The following ASMTL variants were observed in gnomAD, a reference collection of about 807,000 sequenced individuals.
The protein encoded by ASMTL is probable bifunctional dTTP/UTP pyrophosphatase/methyltransferase protein.
A neutral mutation model predicts 60.3 loss-of-function variants in ASMTL; 57 were observed. That is an observed-to-expected ratio of 0.95 (90% confidence interval 0.76 to 1.18). The LOEUF is 1.18. Ranked by LOEUF, ASMTL falls within the 50% of genes most tolerant of loss-of-function variation. The probability of loss-of-function intolerance (pLI) is 0.00; values close to 1 mark genes in which losing one functional copy is unlikely to be tolerated. For missense variants in ASMTL, 981 were observed against 852.6 expected (o/e 1.15, Z -1.88); for synonymous variants, 419 against 373.0 (o/e 1.12, Z -1.42).
At chrX:1,449,444 C>T (rs2091300350) in intron 1 of ASMTL, among the ~76,000 whole-genome samples, 1 of 151,832 alleles carries the variant, frequency 6.6e-6, no homozygotes, top group Non-Finnish European at 1.5e-5. Context: ...AGACCCATGC[C>T]TTCTGTGAGG....
intron 11 of ASMTL, among the ~76,000 whole-genome samples, chrX:1,415,113 G>A (rs1484631150): frequency 2.0e-5 from 3 of 149,022 alleles, no homozygotes; most frequent in South Asian, 2.1e-4. Context: ...GCTAATTTCT[G>A]TAATTTTAGT....
At chrX:1,427,693 C>T (rs780487459) in intron 7 of ASMTL, 41 bp downstream of exon 7, 14 of 1,561,920 alleles carry the variant, frequency 9.0e-6, no homozygotes, top group South Asian at 2.3e-5. Context: ...AGTGTGTAGG[C>T]TCATTTGTGA....
At chrX:1,415,979 A>G (rs1354470044) in intron 11 of ASMTL, among the ~76,000 whole-genome samples, 3 of 151,950 alleles carry the variant, frequency 2.0e-5, no homozygotes, top group Non-Finnish European at 4.4e-5. Context: ...TGACAGGTAC[A>G]CACATGGACA....
rs188058231 is a variant in ASMTL at position 1,434,036 on chromosome X, C to T, written c.400+986G>A. On this transcript the variant is annotated intron_variant, in intron 5 of 12. Coordinates refer to ENST00000381317, the MANE Select transcript of ASMTL (RefSeq NM_004192.4). ...TTGTGCGTGGAGGTCCCATGGGACC[C>T]GGCCCTTCACCTGTGGGATCTGCGC... is the stretch of plus-strand genomic sequence containing the variant. Among the ~76,000 whole-genome samples, 155 of 152,248 alleles carry T rather than the reference C, an allele frequency of 1.0e-3. 1 individual carries two copies. Among genetic ancestry groups the T allele is most frequent in the African/African-American group, 3.5e-3 (146 of 41,524 alleles).
intron 8 of ASMTL, among the ~76,000 whole-genome samples, chrX:1,423,949 C>T (rs1281915123): frequency 6.6e-6 from 1 of 150,706 alleles, no homozygotes; most frequent in Non-Finnish European, 1.5e-5. Context: ...TGCACCCATG[C>T]ATGCATCCAT....
At chrX:1,425,436 TCCTC>T in intron 8 of ASMTL, 85 bp downstream of exon 8, 1 of 1,467,348 alleles carries the variant, frequency 6.8e-7, no homozygotes, top group Admixed American at 2.1e-5. Context: ...TGGGCCTCCT[TCCTC>T]GCTCTGCCCA....
At chrX:1,452,451 C>G (rs1199944663) in intron 1 of ASMTL, among the ~76,000 whole-genome samples, 1 of 151,016 alleles carries the variant, frequency 6.6e-6, no homozygotes, top group African/African-American at 2.4e-5. Flanking sequence ...TCTACCCTCC[C>G]CATTCCTAGG....
chrX:1,439,607 G>T (rs1200408505), intron 2 of ASMTL, among the ~76,000 whole-genome samples: 1 of 152,144 alleles, frequency 6.6e-6, no homozygotes, highest in African/African-American at 2.4e-5. Context: ...AGCACTCTGG[G>T]AGGCCGAGGC....
chrX:1,404,838 G>A (rs2089748384), intron 12 of ASMTL, among the ~76,000 whole-genome samples: 1 of 150,850 alleles, frequency 6.6e-6, no homozygotes, highest in Non-Finnish European at 1.5e-5. Flanking sequence ...GGTAGCTGAT[G>A]GATAGGTAGG....
chrX:1,415,626 C>T (rs62605747), intron 11 of ASMTL, among the ~76,000 whole-genome samples: 144,773 of 151,030 alleles, frequency 0.96, 69,568 homozygotes, highest in East Asian at 1. Context: ...CCACCACGCC[C>T]GGCTAATTTT....
At chrX:1,411,884 C>T (rs1389132745) in intron 12 of ASMTL, among the ~76,000 whole-genome samples, 4 of 134,012 alleles carry the variant, frequency 3.0e-5, no homozygotes, top group African/African-American at 1.1e-4. Flanking sequence ...GCAGTCTCGG[C>T]TCACTGCAAC....
chrX:1,442,963 C>T lies in ASMTL; in HGVS notation c.94-646G>A, dbSNP rs773678886. Reference sequence around the variant, plus strand: ...GGGAACTCCGCATCTCCCCTCTGACCATCTCCCCTCTGACAGAGCAAAAGC... The same window carrying T: ...GGGAACTCCGCATCTCCCCTCTGACTATCTCCCCTCTGACAGAGCAAAAGC... On this transcript the variant is annotated intron_variant, in intron 1 of 12. Transcript: ENST00000381317. Among the ~76,000 whole-genome samples, 4 of 146,796 alleles carry T rather than the reference C, an allele frequency of 2.7e-5. No homozygotes were observed. The South Asian group carries it at 8.3e-4, about 30-fold the overall frequency.
chrX:1,452,704 C>A (rs756843718), intron 1 of ASMTL, 44 bp downstream of exon 1: 1 of 1,512,102 alleles, frequency 6.6e-7, no homozygotes, highest in South Asian at 1.2e-5. Context: ...GGGGTTCAGC[C>A]CCTCCGTCCC....
At chrX:1,420,350 TCTC>T (rs1264009247) in intron 9 of ASMTL, among the ~76,000 whole-genome samples, 5 of 151,778 alleles carry the variant, frequency 3.3e-5, no homozygotes, top group African/African-American at 1.2e-4. Flanking sequence ...TCTGTCTCTG[TCTC>T]CCTCTATCTT....
intron 6 of ASMTL, among the ~76,000 whole-genome samples, chrX:1,431,606 T>A (rs1344923846): frequency 6.9e-6 from 1 of 144,716 alleles, no homozygotes; most frequent in Non-Finnish European, 1.5e-5. Flanking sequence ...TATAATCTAT[T>A]ATAGTATATA....
intron 1 of ASMTL, among the ~76,000 whole-genome samples, chrX:1,443,394 ATCTTGGACACACG>A (rs1473968237): frequency 1.9e-5 from 2 of 103,972 alleles, no homozygotes; most frequent in African/African-American, 3.4e-5. Flanking sequence ...ACACGCCGCC[ATCTTGGACACACG>A]CCGCCATCTT....
rs184407969 is a variant in ASMTL at position 1,404,416 on chromosome X, G to A, written c.1646-927C>T. ...AGGTAGGTGGATGGATGGATGGATG[G>A]ATGCAGGCATGGATGAGATGGATGG... On this transcript the variant is annotated intron_variant, in intron 12 of 12. Transcript: ENST00000381317. Among the ~76,000 whole-genome samples, 87 of 151,688 alleles carry A rather than the reference G, an allele frequency of 5.7e-4. No individual in the cohort carries two copies. The East Asian group carries it at 0.016, about 29-fold the overall frequency.
chrX:1,413,444 C>G (rs5989684), intron 11 of ASMTL, among the ~76,000 whole-genome samples: 1 of 152,318 alleles, frequency 6.6e-6, no homozygotes, highest in East Asian at 1.9e-4. Context: ...GAGTCGGGGC[C>G]GCACTGCCGG....
intron 1 of ASMTL, among the ~76,000 whole-genome samples, chrX:1,451,624 C>T (rs2091387146): frequency 6.7e-6 from 1 of 149,354 alleles, no homozygotes; most frequent in Non-Finnish European, 1.5e-5. Flanking sequence ...GGGTCACTCT[C>T]CCCACCCCCA....
Sources: gnomAD v4.1 joint callset for allele counts (sites outside exome capture counted in the v4.1 genomes callset) on GRCh38, gnomAD v4.1.1 for gene constraint, MANE v1.5 for transcripts, NCBI Gene and HGNC (gene_info 2026-07-23, HGNC 2026-07-21) for gene names.